The following SHISA5 variants were observed in gnomAD, a reference collection of about 807,000 sequenced individuals.
The protein encoded by SHISA5 is shisa family member 5, also known as protein shisa-5.
A neutral mutation model predicts 27.5 loss-of-function variants in SHISA5; 21 were observed. The observed-to-expected ratio is 0.76, with a 90% CI of 0.54 to 1.10. SHISA5 has a LOEUF of 1.10. SHISA5 is among the 50% of genes least tolerant of loss of function. The pLI is 0.00. For synonymous variants in SHISA5, 137 were observed against 142.2 expected, an observed-to-expected ratio of 0.96 and a Z score of 0.26; for missense variants, 314 against 336.3, an observed-to-expected ratio of 0.93 and a Z score of 0.52.
chr3:48,478,995 C>G (rs2040913053), intron 3 of SHISA5, among the ~76,000 whole-genome samples, 182 bp downstream of exon 3: 1 of 152,128 alleles, frequency 6.6e-6, no homozygotes. Flanking sequence ...CACCCCAGCA[C>G]ACTAATGAAG....
intron 2 of SHISA5, among the ~76,000 whole-genome samples, chr3:48,486,480 ATT>A (rs1196486845): frequency 3.7e-5 from 4 of 108,628 alleles, no homozygotes; most frequent in Non-Finnish European, 1.7e-5. Flanking sequence ...TATTATATAT[ATT>A]ACATATTATA....
chr3:48,485,334 A>G (rs2107340723), intron 2 of SHISA5, among the ~76,000 whole-genome samples: 1 of 151,722 alleles, frequency 6.6e-6, no homozygotes, highest in East Asian at 1.9e-4. Flanking sequence ...CGTCTCTACT[A>G]AAAATACAAA....
intron 2 of SHISA5, among the ~76,000 whole-genome samples, chr3:48,499,573 G>T (rs1361342424): frequency 2.0e-5 from 3 of 149,984 alleles, no homozygotes; most frequent in Non-Finnish European, 3.0e-5. Context: ...CCAGCTACTT[G>T]GGAGGCTGAG....
intron 3 of SHISA5, among the ~76,000 whole-genome samples, chr3:48,476,066 G>C (rs1409889857): frequency 6.6e-6 from 1 of 152,138 alleles, no homozygotes; most frequent in Non-Finnish European, 1.5e-5. Flanking sequence ...AGCCCAGGTC[G>C]GGCACAGTGG....
At position 48,468,340 on chromosome 3, in the gene SHISA5, C is replaced by A. The variant is rs2040434748; in HGVS notation, c.*767G>T. ...CTGCTCACCTGTGGGAAGGGCAGGG[C>A]CAGCAAGGGCAGCAGAGCTCCCTGG... On this transcript the variant is annotated 3_prime_UTR_variant, in exon 6 of 6. Coordinates refer to ENST00000296444, the MANE Select transcript of SHISA5 (RefSeq NM_016479.6). 1.9e-6 allele frequency: 2 copies of A among 1,048,000 alleles called. No homozygotes were observed. Among genetic ancestry groups the A allele is most frequent in the East Asian group, 8.4e-5 (1 of 11,904 alleles). The allele number at this position is 1,048,000 out of a possible 1,614,324, so 64.9% of individuals were successfully genotyped here.
rs767136337 is a variant in SHISA5, at chr3:48,501,202, G to A, written c.168C>T (p.Tyr56=). The change falls in exon 2 of 6, where the codon TAC becomes TAT. Residue 56 remains tyrosine, a synonymous_variant. Coordinates refer to ENST00000296444, the MANE Select transcript of SHISA5 (RefSeq NM_016479.6). ...DFCCGTCDDQ[Y]CCSDVLKKFV... is the part of the protein sequence containing the mutation. ...ATTTCTTCAGCACGTCAGAGCAGCA[G>A]TATTGGTCATCACAGGTACCACAGC... The A allele has an allele frequency of 6.2e-7, 1 of 1,614,152 alleles. No homozygotes were observed. The highest frequency in any genetic ancestry group is 1.1e-5 in the South Asian group (1 of 91,080).
chr3:48,499,305 A>T (rs1346203351), intron 2 of SHISA5, among the ~76,000 whole-genome samples: 1 of 152,058 alleles, frequency 6.6e-6, no homozygotes, highest in African/African-American at 2.4e-5. Context: ...TTCCCAAAGT[A>T]CTGGGCTTAC....
chr3:48,504,225 TC>T, upstream of SHISA5: 1 of 387,290 alleles, frequency 2.6e-6, no homozygotes, highest in Non-Finnish European at 4.5e-6. The surrounding 1 kb of genome is among the most constrained non-coding windows in gnomAD (Gnocchi z 4.0). Flanking sequence ...GGAACCTCTG[TC>T]CGGGGGAGCA....
intron 3 of SHISA5, chr3:48,477,099 A>G (rs550307025): frequency 1.8e-5 from 8 of 435,098 alleles, no homozygotes; most frequent in African/African-American, 1.5e-4. Flanking sequence ...AATCTATAAC[A>G]TTGAGAAAAA....
At chr3:48,475,123 C>G (rs1170160344) in intron 3 of SHISA5, among the ~76,000 whole-genome samples, 1 of 152,054 alleles carries the variant, frequency 6.6e-6, no homozygotes, top group Non-Finnish European at 1.5e-5. Flanking sequence ...AAAATTTTTG[C>G]ATAATGTTGT....
rs943286163 is a variant in SHISA5 at position 48,479,167 on chromosome 3, C to T, written c.314+10G>A. 1.2e-6 allele frequency: 2 copies of T among 1,603,276 alleles called. No homozygotes were observed. The highest frequency in any genetic ancestry group is 3.4e-5 in the Admixed American group (2 of 58,168). On this transcript the variant is annotated intron_variant, in intron 3 of 5. Transcript: ENST00000296444. ...CAGGAAGATGCACCCAGCCAGCAGG[C>T]TTTACTTACCCTGACATGGGGTCGT...
intron 3 of SHISA5, among the ~76,000 whole-genome samples, chr3:48,476,419 G>A (rs575999799): frequency 2.0e-5 from 3 of 152,220 alleles, no homozygotes; most frequent in Admixed American, 6.5e-5. Context: ...AGGAGGAGGG[G>A]TCAGTGGCAG....
rs765484993 is a variant in SHISA5, at chr3:48,469,774, G to C, written c.384C>G (p.Phe128Leu). The C allele has an allele frequency of 8.7e-6, 14 of 1,614,034 alleles. No homozygotes were observed. The African/African-American group carries it at 1.9e-4, about 22-fold the overall frequency. ...VLSVVTIIIC[F>L]TCSCCCLYKT... ...TGTAAAGGCAGCAGCAGGAGCAGGT[G>C]AAGCAGATGATGATAGTGACGACAG... The change falls in exon 4 of 6, where the codon TTC becomes TTG. Residue 128 changes from phenylalanine to leucine, a missense_variant. Phe to Leu is a conservative substitution (Grantham distance 22, BLOSUM62 0). Transcript: ENST00000296444. This position sits in a 1 kb window ranked among gnomAD's most constrained non-coding sequence, Gnocchi z 4.6.
chr3:48,486,921 A>C (rs2041266303), intron 2 of SHISA5, among the ~76,000 whole-genome samples: 1 of 139,240 alleles, frequency 7.2e-6, no homozygotes, highest in African/African-American at 2.6e-5. Context: ...ACTCCATCTC[A>C]AAAAAAAAAA....
At chr3:48,480,194 C>T (rs907748585) in intron 2 of SHISA5, among the ~76,000 whole-genome samples, 6 of 151,934 alleles carry the variant, frequency 3.9e-5, no homozygotes, top group Admixed American at 2.6e-4. Flanking sequence ...TGAGCCACCA[C>T]GCCTGGCCTC....
chr3:48,469,980 C>A lies in SHISA5; in HGVS notation c.315-137G>T. The stretch of plus-strand genomic sequence containing the variant: ...AGCTACTTCCTTGTCGGGTGGCCTG[C>A]ACCTGTTTCAATCTGTTTCCTCTTG... On this transcript the variant is annotated intron_variant, in intron 3 of 5. Coordinates refer to ENST00000296444, the MANE Select transcript of SHISA5 (RefSeq NM_016479.6). The surrounding 1 kb of genome is among the most constrained non-coding windows in gnomAD (Gnocchi z 4.6). The A allele has an allele frequency of 2.6e-6, 3 of 1,147,256 alleles. No individual in the cohort carries two copies. The highest frequency in any genetic ancestry group is 3.7e-6 in the Non-Finnish European group (3 of 814,504). 71.1% of individuals were successfully genotyped at this position (1,147,256 alleles called of 1,614,324 possible). A position where few individuals can be genotyped will look rare whatever the true frequency, so the allele number is the denominator to read the frequency against.
intron 3 of SHISA5, among the ~76,000 whole-genome samples, chr3:48,471,219 T>C (rs2040599636): frequency 6.6e-6 from 1 of 152,096 alleles, no homozygotes; most frequent in African/African-American, 2.4e-5. Context: ...CTCACTATGT[T>C]ACCTAACTGG....
chr3:48,504,346 G>T, upstream of SHISA5: 1 of 345,890 alleles, frequency 2.9e-6, no homozygotes, highest in East Asian at 4.3e-5. The surrounding 1 kb of genome is among the most constrained non-coding windows in gnomAD (Gnocchi z 4.0). Flanking sequence ...TCGCGCCCGG[G>T]GTCTGCGCGA....
intron 2 of SHISA5, among the ~76,000 whole-genome samples, chr3:48,494,793 C>T (rs1409826939): frequency 6.8e-6 from 1 of 147,106 alleles, no homozygotes; most frequent in Admixed American, 6.6e-5. Context: ...GATGGGATGG[C>T]TGGATCATAT....
Sources: gnomAD v4.1 joint callset for allele counts (sites outside exome capture counted in the v4.1 genomes callset) on GRCh38, gnomAD v4.1.1 for gene constraint, Gnocchi (gnomAD v3.1) non-coding constraint, MANE v1.5 for transcripts, NCBI Gene and HGNC (gene_info 2026-07-23, HGNC 2026-07-21) for gene names.